Variants in ACBD3 observed in about 807,000 individuals in gnomAD.
ACBD3 encodes the protein Golgi resident protein GCP60.
Under a neutral mutation model 66.9 loss-of-function variants are expected in ACBD3, and 30 were observed. That is an observed-to-expected ratio of 0.45 (90% CI 0.34 to 0.61). ACBD3 has a LOEUF of 0.61. Among genes scored for constraint, ACBD3 ranks in the 20% least tolerant of loss-of-function variants. The probability of loss-of-function intolerance (pLI) is 0.02; values close to 1 mark genes in which losing one functional copy is unlikely to be tolerated. For missense variants in ACBD3, 544 were observed against 664.5 expected (o/e 0.82, Z 1.99); for synonymous variants, 278 against 259.8 (o/e 1.07, Z -0.68).
intron 1 of ACBD3, among the ~76,000 whole-genome samples, chr1:226,178,492 G>A (rs1576241610): frequency 1.3e-5 from 2 of 150,492 alleles, no homozygotes; most frequent in Non-Finnish European, 3.0e-5. Flanking sequence ...GGAGAATGGC[G>A]TGAACCCGGG....
chr1:226,164,809 CT>C lies in ACBD3; in HGVS notation c.548del (p.Lys183ArgfsTer50). The C allele has an allele frequency of 6.2e-7, 1 of 1,608,452 alleles. No individual in the cohort carries two copies. Among genetic ancestry groups the C allele is most frequent in the Non-Finnish European group, 8.5e-7 (1 of 1,177,756 alleles). ...STYVASHKIE[K>X]EEQEKKRKEE... is the part of the protein sequence containing the mutation. ...TTCACCTTTTTTTTTCTTGCTCTTC[CT>C]TCTCTATTTTGTGGGACGCAACATA... On this transcript the variant is annotated frameshift_variant, in exon 3 of 8. Coordinates refer to ENST00000366812, the MANE Select transcript of ACBD3 (RefSeq NM_022735.4). LOFTEE classifies it high-confidence loss of function.
intron 1 of ACBD3, among the ~76,000 whole-genome samples, chr1:226,172,800 T>C (rs1173088885): frequency 6.6e-6 from 1 of 151,668 alleles, no homozygotes; most frequent in Non-Finnish European, 1.5e-5. Flanking sequence ...AAAAAACAGC[T>C]GGGTGTGGTG....
intron 1 of ACBD3, among the ~76,000 whole-genome samples, chr1:226,182,158 G>A (rs1656185600): frequency 6.6e-6 from 1 of 151,944 alleles, no homozygotes; most frequent in South Asian, 2.1e-4. Context: ...TTGAGCCTGG[G>A]AGGCATAGGG....
intron 7 of ACBD3, among the ~76,000 whole-genome samples, chr1:226,147,562 A>G (rs1272592248): frequency 6.6e-6 from 1 of 152,192 alleles, no homozygotes; most frequent in Non-Finnish European, 1.5e-5. Flanking sequence ...CCCATTTTAG[A>G]AAGATGGAAG....
chr1:226,167,078 A>G (rs1471008048), intron 1 of ACBD3, among the ~76,000 whole-genome samples: 1 of 152,164 alleles, frequency 6.6e-6, no homozygotes, highest in African/African-American at 2.4e-5. Flanking sequence ...TACAGGTGTG[A>G]GCCACCATGC....
intron 7 of ACBD3, among the ~76,000 whole-genome samples, chr1:226,148,976 G>C (rs532926473): frequency 6.6e-6 from 1 of 152,302 alleles, no homozygotes; most frequent in South Asian, 2.1e-4. Flanking sequence ...CAAGTACAGG[G>C]AATGCCATCT....
chr1:226,149,599 G>C (rs1437500821), intron 7 of ACBD3, among the ~76,000 whole-genome samples: 1 of 132,636 alleles, frequency 7.5e-6, no homozygotes, highest in Non-Finnish European at 1.5e-5. Flanking sequence ...GGAGTGAAGT[G>C]ACTTGATCTC....
At chr1:226,164,279 A>T (rs1176380283) in intron 3 of ACBD3, among the ~76,000 whole-genome samples, 1 of 152,198 alleles carries the variant, frequency 6.6e-6, no homozygotes, top group Non-Finnish European at 1.5e-5. Flanking sequence ...CAACTACAAC[A>T]GAGAATCCCA....
intron 1 of ACBD3, among the ~76,000 whole-genome samples, chr1:226,171,480 G>A (rs557848120): frequency 2.6e-5 from 4 of 151,978 alleles, no homozygotes; most frequent in South Asian, 2.1e-4. Flanking sequence ...TTATTTTAAC[G>A]TCTGCCCTTT....
intron 4 of ACBD3, among the ~76,000 whole-genome samples, chr1:226,159,788 T>G (rs1659736705): frequency 6.6e-6 from 1 of 152,214 alleles, no homozygotes; most frequent in Non-Finnish European, 1.5e-5. Context: ...CCAGGCAGTT[T>G]GGCTCTAGAG....
intron 1 of ACBD3, among the ~76,000 whole-genome samples, chr1:226,182,575 C>A (rs935500643): frequency 6.6e-6 from 1 of 152,126 alleles, no homozygotes; most frequent in Non-Finnish European, 1.5e-5. Flanking sequence ...GATCATGCCA[C>A]TGCATTCCAG....
chr1:226,168,633 G>A (rs1466333411), intron 1 of ACBD3, among the ~76,000 whole-genome samples: 1 of 152,160 alleles, frequency 6.6e-6, no homozygotes, highest in Non-Finnish European at 1.5e-5. Flanking sequence ...CTAGTGGTGT[G>A]GTAGCCACCA....
At chr1:226,170,333 ATTTTTTTT>A (rs71574563) in intron 1 of ACBD3, among the ~76,000 whole-genome samples, 1 of 109,846 alleles carries the variant, frequency 9.1e-6, no homozygotes, top group Non-Finnish European at 1.7e-5. Flanking sequence ...AATTTTTTGA[ATTTTTTTT>A]TTTTTTTTTT....
chr1:226,164,830 A>C lies in ACBD3; in HGVS notation c.528T>G (p.Val176=). 1 of 1,611,468 alleles carries C rather than the reference A, an allele frequency of 6.2e-7. No homozygotes were observed. Among genetic ancestry groups the C allele is most frequent in the Non-Finnish European group, 8.5e-7 (1 of 1,178,918 alleles). ...CTTCCTTCTCTATTTTGTGGGACGC[A>C]ACATATGTTGAAAAGAGATGGCAAC... ...NRCCHLFSTY[V]ASHKIEKEEQ... Residue 176 remains valine, a synonymous_variant, in exon 3 of 8, where the codon GTT becomes GTG. Coordinates refer to ENST00000366812, the MANE Select transcript of ACBD3 (RefSeq NM_022735.4).
At chr1:226,150,861 T>A (rs1251029869) in intron 7 of ACBD3, among the ~76,000 whole-genome samples, 1 of 152,212 alleles carries the variant, frequency 6.6e-6, no homozygotes, top group Non-Finnish European at 1.5e-5. Context: ...ATGAAGGATT[T>A]TAAATCTGCT....
intron 5 of ACBD3, among the ~76,000 whole-genome samples, chr1:226,158,618 C>T (rs1659717862): frequency 6.6e-6 from 1 of 152,206 alleles, no homozygotes; most frequent in Admixed American, 6.5e-5. Flanking sequence ...TTATGAGACT[C>T]CCAGTCCCAT....
intron 1 of ACBD3, among the ~76,000 whole-genome samples, chr1:226,184,805 CTT>C (rs76440532): frequency 1.2e-4 from 17 of 142,038 alleles, no homozygotes; most frequent in Non-Finnish European, 1.2e-4. Context: ...TGAAGCGATT[CTT>C]TTTTTTTTTT....
intron 7 of ACBD3, among the ~76,000 whole-genome samples, chr1:226,151,070 G>C (rs542292657): frequency 2.1e-4 from 32 of 152,316 alleles, no homozygotes; most frequent in African/African-American, 7.0e-4. Context: ...AGCCCCAGAG[G>C]CCCCAGGGTG....
chr1:226,152,435 A>G lies in ACBD3; in HGVS notation c.1275T>C (p.Tyr425=), dbSNP rs779782545. The change falls in exon 7 of 8, where the codon TAT becomes TAC. Residue 425 remains tyrosine (Y), a synonymous_variant. Transcript: ENST00000366812. ...YLFWEFATDN[Y]DIGFGVYFEW... ...CAAAATACACCCCAAACCCAATGTCATAATTGTCTGTGGCAAATTCCCAAA... is the reference window on the plus strand; with the variant it reads ...CAAAATACACCCCAAACCCAATGTCGTAATTGTCTGTGGCAAATTCCCAAA... 66 of 1,614,218 alleles carry G rather than the reference A, an allele frequency of 4.1e-5. No homozygotes were observed. The highest frequency in any genetic ancestry group is 5.1e-5 in the Non-Finnish European group (60 of 1,180,044).
Sources: allele counts gnomAD v4.1 joint callset (sites outside exome capture counted in the v4.1 genomes callset), GRCh38; gene constraint gnomAD v4.1.1; transcripts MANE v1.5; gene names NCBI Gene and HGNC (gene_info 2026-07-23, HGNC 2026-07-21).